COL13A1: variants seen among roughly 807,000 people sequenced by gnomAD.
COL13A1 encodes the protein collagen type XIII alpha 1 chain, also known as collagen alpha-1(XIII) chain.
Under a neutral mutation model 130.9 loss-of-function variants are expected in COL13A1, and 89 were observed. The ratio of observed to expected loss-of-function variants is 0.68; its 90% CI spans 0.57 to 0.81. The LOEUF is 0.81. Ranked by LOEUF, COL13A1 falls within the 30% of genes least tolerant of loss-of-function variation. The probability of loss-of-function intolerance (pLI) is 0.00; values close to 1 mark genes in which losing one functional copy is unlikely to be tolerated. For missense variants in COL13A1, 879 were observed against 934.6 expected (o/e 0.94, Z 0.78); for synonymous variants, 402 against 341.6 (o/e 1.18, Z -1.95).
At chr10:69,935,018 G>T (rs2066640651) in intron 31 of COL13A1, among the ~76,000 whole-genome samples, 1 of 152,086 alleles carries the variant, frequency 6.6e-6, no homozygotes, top group South Asian at 2.1e-4. Context: ...TCCACTCCAG[G>T]CTGTTGTTGC....
At chr10:69,936,334 G>A (rs999572047) in intron 32 of COL13A1, among the ~76,000 whole-genome samples, 3 of 152,186 alleles carry the variant, frequency 2.0e-5, no homozygotes, top group Non-Finnish European at 4.4e-5. Context: ...TGTGGTTCAT[G>A]GTCCCCAAGG....
chr10:69,913,562 G>A lies in COL13A1; in HGVS notation c.922-3727G>A, dbSNP rs75120777. Among the ~76,000 whole-genome samples the A allele has an allele frequency of 7.7e-3, 1,168 of 152,274 alleles. 15 individuals carry two copies. The highest frequency in any genetic ancestry group is 0.027 in the African/African-American group (1,105 of 41,544). On this transcript the variant is annotated intron_variant, in intron 17 of 40. Transcript: ENST00000645393. ...AAGGAACAGTCCTCTGAACAGAGGTGGGCCACTGTCCTCCTCGGGCAATAA... is the reference window on the plus strand; with the variant it reads ...AAGGAACAGTCCTCTGAACAGAGGTAGGCCACTGTCCTCCTCGGGCAATAA...
intron 39 of COL13A1, among the ~76,000 whole-genome samples, chr10:69,954,383 T>A: frequency 6.6e-6 from 1 of 152,238 alleles, no homozygotes; most frequent in East Asian, 1.9e-4. Flanking sequence ...TGCCACCAGA[T>A]ACCAGCTAGG....
At chr10:69,898,577 T>C (rs1437582803) in intron 13 of COL13A1, 120 bp from the exon 14 acceptor site, 16 of 720,708 alleles carry the variant, frequency 2.2e-5, no homozygotes, top group Non-Finnish European at 1.4e-5. Flanking sequence ...CTCTCTTCTC[T>C]CTTCCTCTGC....
intron 13 of COL13A1, among the ~76,000 whole-genome samples, chr10:69,898,421 G>GGAGGCC (rs2061867557): frequency 6.6e-6 from 1 of 152,222 alleles, no homozygotes; most frequent in African/African-American, 2.4e-5. Context: ...ACTCTGACCT[G>GGAGGCC]GAGGCCGAGG....
chr10:69,843,112 C>T (rs564433018), intron 2 of COL13A1, among the ~76,000 whole-genome samples: 5 of 152,156 alleles, frequency 3.3e-5, no homozygotes, highest in East Asian at 3.8e-4. Flanking sequence ...CCAGCACCCA[C>T]GTCACAGCAG....
intron 7 of COL13A1, among the ~76,000 whole-genome samples, chr10:69,886,406 G>T (rs916474898): frequency 6.6e-6 from 1 of 152,218 alleles, no homozygotes; most frequent in Non-Finnish European, 1.5e-5. Context: ...AATTTAGTCT[G>T]CCAGTCTAGA....
intron 14 of COL13A1, among the ~76,000 whole-genome samples, chr10:69,901,090 A>G (rs2062136524): frequency 6.6e-6 from 1 of 152,224 alleles, no homozygotes; most frequent in African/African-American, 2.4e-5. Flanking sequence ...AGGAGGCTGC[A>G]CTGGTCCCTT....
At chr10:69,869,279 G>GTA (rs1001714724) in intron 3 of COL13A1, among the ~76,000 whole-genome samples, 33 of 152,314 alleles carry the variant, frequency 2.2e-4, no homozygotes, top group African/African-American at 7.7e-4. Flanking sequence ...AAAGGCCCAG[G>GTA]TAGCTTTCCC....
intron 2 of COL13A1, among the ~76,000 whole-genome samples, chr10:69,826,931 AAG>A (rs1418981000): frequency 2.0e-5 from 3 of 152,254 alleles, no homozygotes; most frequent in Admixed American, 6.5e-5. Flanking sequence ...AACTTGAAAA[AAG>A]AGACACAGAT....
At position 69,822,398 on chromosome 10, in the gene COL13A1, G is replaced by A. The variant is rs748236007; in HGVS notation, c.324G>A (p.Arg108=). The A allele has an allele frequency of 9.4e-6, 15 of 1,594,166 alleles. No individual in the cohort carries two copies. The South Asian group carries it at 1.5e-4, about 16-fold the overall frequency. ...EKWKLHSRRR[R]EAPKTSPGCN... ...GGAAGCTCCACTCAAGGAGGCGCCG[G>A]GAGGCCCCAAAGACATCTCCAGGAT... Residue 108 remains arginine, a synonymous_variant, in exon 2 of 41, where the codon CGG becomes CGA. Transcript: ENST00000645393.
chr10:69,836,239 A>T (rs1179169321), intron 2 of COL13A1, among the ~76,000 whole-genome samples: 1 of 152,214 alleles, frequency 6.6e-6, no homozygotes, highest in Non-Finnish European at 1.5e-5. Flanking sequence ...GCAGAGACCC[A>T]GGGCTCCGGT....
intron 28 of COL13A1, 91 bp downstream of exon 28, chr10:69,929,090 G>A: frequency 1.0e-6 from 1 of 1,001,110 alleles, no homozygotes; most frequent in South Asian, 1.5e-5. Context: ...CATCTTCCCA[G>A]CACTACCACC....
chr10:69,901,793 G>A (rs1283986511), intron 14 of COL13A1, among the ~76,000 whole-genome samples: 7 of 152,152 alleles, frequency 4.6e-5, no homozygotes, highest in Middle Eastern at 3.2e-3. Flanking sequence ...CCTCCTCCAG[G>A]GGGAGCATGA....
chr10:69,904,952 G>T lies in COL13A1; in HGVS notation c.878G>T (p.Gly293Val). The T allele has an allele frequency of 6.4e-7, 1 of 1,554,312 alleles. No individual in the cohort carries two copies. Among genetic ancestry groups the T allele is most frequent in the South Asian group, 1.2e-5 (1 of 84,452 alleles). The change falls in exon 16 of 41, where the codon GGA becomes GTA. Residue 293 changes from glycine to valine, a missense_variant. Coordinates refer to ENST00000645393, the MANE Select transcript of COL13A1 (RefSeq NM_001368882.1). ...CCACAGGGCTTACCTGGGCCTCCTGGACCAAAGGTGAGTGTCCTTCTGGGT... is the reference window on the plus strand; with the variant it reads ...CCACAGGGCTTACCTGGGCCTCCTGTACCAAAGGTGAGTGTCCTTCTGGGT... ...MGPPGLPGPP[G>V]PKGDPGIQGY...
At chr10:69,847,663 G>A (rs1296631113) in intron 2 of COL13A1, among the ~76,000 whole-genome samples, 1 of 152,206 alleles carries the variant, frequency 6.6e-6, no homozygotes, top group Non-Finnish European at 1.5e-5. Context: ...ATAAGCCTCC[G>A]GCTCTGCAGC....
In COL13A1 at chr10:69,802,372, T is replaced by A; in HGVS notation, c.-52T>A. On this transcript the variant is annotated 5_prime_UTR_variant, in exon 1 of 41. Transcript: ENST00000645393. ...GGATAGAGCCTTTTGGCAGCGGCTG[T>A]CGCCTTTATTTATTCTATTTATTTA... The A allele has an allele frequency of 7.1e-7, 1 of 1,399,234 alleles. No homozygotes were observed. Among genetic ancestry groups the A allele is most frequent in the South Asian group, 1.6e-5 (1 of 62,032 alleles). The allele number at this position is 1,399,234 out of a possible 1,614,324, so 86.7% of individuals were successfully genotyped here. A position where few individuals can be genotyped will look rare whatever the true frequency, so the allele number is the denominator to read the frequency against.
chr10:69,802,519 G>C lies in COL13A1; in HGVS notation c.96G>C (p.Arg32=), dbSNP rs900918667. The change falls in exon 1 of 41, where the codon CGG becomes CGC. Residue 32 remains arginine, a synonymous_variant. Transcript: ENST00000645393. ...APGTVALVAA[R]AERGARLPSP... ...GGACGGTGGCTCTGGTGGCGGCGCGGGCGGAGCGCGGCGCACGGCTGCCGA... is the reference window on the plus strand; with the variant it reads ...GGACGGTGGCTCTGGTGGCGGCGCGCGCGGAGCGCGGCGCACGGCTGCCGA... 1.5e-5 allele frequency: 23 copies of C among 1,567,658 alleles called. No homozygotes were observed. Among genetic ancestry groups the C allele is most frequent in the Non-Finnish European group, 2.0e-5 (23 of 1,160,362 alleles).
intron 2 of COL13A1, among the ~76,000 whole-genome samples, chr10:69,866,641 A>T (rs970663576): frequency 6.7e-6 from 1 of 148,170 alleles, no homozygotes; most frequent in Non-Finnish European, 1.5e-5. Context: ...TTGCTCACCC[A>T]GGCTCTACAC....
Sources: allele counts gnomAD v4.1 joint callset (sites outside exome capture counted in the v4.1 genomes callset), GRCh38; gene constraint gnomAD v4.1.1; transcripts MANE v1.5; gene names NCBI Gene and HGNC (gene_info 2026-07-23, HGNC 2026-07-21).